CCDC88C: variants seen among roughly 807,000 people sequenced by gnomAD.
CCDC88C encodes protein Daple.
CCDC88C carries 131 observed loss-of-function variants against 198.8 expected under a neutral mutation model. The observed-to-expected ratio is 0.66, with a 90% confidence interval of 0.57 to 0.76. The LOEUF is 0.76. Among genes scored for constraint, CCDC88C ranks in the 30% least tolerant of loss-of-function variants. The probability of loss-of-function intolerance (pLI) is 0.00; values close to 1 mark genes in which losing one functional copy is unlikely to be tolerated. For missense variants in CCDC88C, 2,553 were observed against 2,631.6 expected (o/e 0.97, Z 0.65); for synonymous variants, 1,166 against 1,114.7 (o/e 1.05, Z -0.92).
At chr14:91,293,567 G>A (rs113923067) in intron 23 of CCDC88C, among the ~76,000 whole-genome samples, 6,798 of 15,566 alleles carry the variant, frequency 0.44, 1,602 homozygotes, top group African/African-American at 0.47. Context: ...CGCCTGCCAC[G>A]GCCCACCTTC....
At chr14:91,408,609 C>G in intron 3 of CCDC88C, 50 bp downstream of exon 3, 1 of 1,169,484 alleles carries the variant, frequency 8.6e-7, no homozygotes, top group Admixed American at 1.8e-5. Context: ...GTGACAGTGA[C>G]GATACTGATG....
At chr14:91,357,958 G>A (rs1373023391) in intron 4 of CCDC88C, among the ~76,000 whole-genome samples, 4 of 152,236 alleles carry the variant, frequency 2.6e-5, no homozygotes, top group Admixed American at 2.0e-4. Context: ...GGGCCACCAG[G>A]AGGACCAGGG....
At chr14:91,363,031 C>T (rs571097282) in intron 3 of CCDC88C, among the ~76,000 whole-genome samples, 5 of 152,262 alleles carry the variant, frequency 3.3e-5, no homozygotes, top group African/African-American at 7.2e-5. Flanking sequence ...AATCCTATGG[C>T]CAAAGCTACT....
At chr14:91,301,152 G>A (rs183421675) in intron 20 of CCDC88C, among the ~76,000 whole-genome samples, 43 of 152,350 alleles carry the variant, frequency 2.8e-4, no homozygotes, top group African/African-American at 1.0e-3. Flanking sequence ...ATGACACGTA[G>A]TGAATGCTTG....
chr14:91,334,112 G>A (rs547253784), intron 10 of CCDC88C, among the ~76,000 whole-genome samples: 22 of 152,304 alleles, frequency 1.4e-4, no homozygotes, highest in Admixed American at 1.1e-3. Context: ...TTTGCTGTAT[G>A]TGCTTTATCA....
Position 91,273,551 on chromosome 14 carries a change from C to T in CCDC88C, c.5161G>A (p.Gly1721Arg), listed in dbSNP as rs183319966. 193 of 1,508,838 alleles carry T rather than the reference C, an allele frequency of 1.3e-4. No individual in the cohort carries two copies. The African/African-American group carries it at 1.9e-3, about 15-fold the overall frequency. 93.5% of individuals were successfully genotyped at this position (1,508,838 alleles called of 1,614,324 possible). ...ACAAAGTTGGTGGGCATCTTGGCCC[C>T]TTCTTTCTTGGCAGGTGGTCCTGGT... ...GQPGPPAKKE[G>R]AKMPTNFVAP... The change falls in exon 30 of 30, where the codon GGG becomes AGG. Residue 1721 changes from glycine to arginine, a missense_variant. Physicochemically the swap from Gly to Arg is moderately radical, Grantham distance 125. This residue lies in a region of CCDC88C where 1,293 missense variants were observed against 1,219.6 expected (regional missense o/e 1.06). Transcript: ENST00000389857. The surrounding 1 kb of genome is among the most constrained non-coding windows in gnomAD (Gnocchi z 5.6).
chr14:91,306,261 A>G (rs918146003), intron 18 of CCDC88C, among the ~76,000 whole-genome samples: 2 of 152,142 alleles, frequency 1.3e-5, no homozygotes, highest in Non-Finnish European at 2.9e-5. Flanking sequence ...AGCTGGTTCC[A>G]TCTCCCATTG....
At chr14:91,303,554 T>A in intron 20 of CCDC88C, 147 bp downstream of exon 20, 3 of 351,746 alleles carry the variant, frequency 8.5e-6, no homozygotes, top group Non-Finnish European at 1.4e-5. Context: ...GTCCCACCCA[T>A]CTCCTCCAGG....
intron 3 of CCDC88C, among the ~76,000 whole-genome samples, chr14:91,387,715 T>C (rs980185295): frequency 6.6e-6 from 1 of 152,190 alleles, no homozygotes. Flanking sequence ...ACAGGAAGAT[T>C]CCTGGTTGAT....
At chr14:91,366,443 G>A (rs574223353) in intron 3 of CCDC88C, among the ~76,000 whole-genome samples, 5 of 152,142 alleles carry the variant, frequency 3.3e-5, no homozygotes, top group Admixed American at 2.0e-4. Context: ...CCGAGATTGC[G>A]CCACTGCCCT....
chr14:91,289,491 C>T, intron 24 of CCDC88C, 148 bp from the exon 25 acceptor site: 2 of 760,316 alleles, frequency 2.6e-6, no homozygotes, highest in South Asian at 2.8e-5. Context: ...CGCTCATGAC[C>T]ATGGTAATCA....
chr14:91,392,993 G>C (rs979034346), intron 3 of CCDC88C, among the ~76,000 whole-genome samples: 4 of 152,230 alleles, frequency 2.6e-5, no homozygotes, highest in Non-Finnish European at 5.9e-5. Flanking sequence ...TGGGGAAGGA[G>C]AAACTGCAAG....
chr14:91,330,494 A>G (rs776110247), intron 10 of CCDC88C, among the ~76,000 whole-genome samples: 1 of 152,240 alleles, frequency 6.6e-6, no homozygotes, highest in African/African-American at 2.4e-5. Flanking sequence ...CTCCGCAGGC[A>G]GACTCTGGAG....
chr14:91,317,718 G>T (rs1483769379), intron 13 of CCDC88C, among the ~76,000 whole-genome samples: 1 of 152,198 alleles, frequency 6.6e-6, no homozygotes, highest in Admixed American at 6.5e-5. Context: ...CCCTTCCGGC[G>T]CCCCCACGAC....
chr14:91,359,624 G>GT lies in CCDC88C; in HGVS notation c.340+17_340+18insA. The GT allele has an allele frequency of 6.3e-7, 1 of 1,596,838 alleles. No individual in the cohort carries two copies. Among genetic ancestry groups the GT allele is most frequent in the Admixed American group, 1.7e-5 (1 of 57,762 alleles). The stretch of plus-strand genomic sequence containing the variant: ...CTGGCTGGGCACCACAGGGGAGAAG[G>GT]GAGCGGCTTTCACTCACCAGACAGT... On this transcript the variant is annotated intron_variant, in intron 4 of 29. Coordinates refer to ENST00000389857, the MANE Select transcript of CCDC88C (RefSeq NM_001080414.4).
In CCDC88C at chr14:91,315,632, A is replaced by C; in HGVS notation, c.1665+18T>G. On this transcript the variant is annotated intron_variant, in intron 14 of 29. Coordinates refer to ENST00000389857, the MANE Select transcript of CCDC88C (RefSeq NM_001080414.4). Reference sequence around the variant, plus strand: ...AGGCAGGGGTTCTAGGAGAGGCGTTAGTGGTGGAGGCACCTACCTGCCTGG... The same window carrying C: ...AGGCAGGGGTTCTAGGAGAGGCGTTCGTGGTGGAGGCACCTACCTGCCTGG... 1 of 1,613,628 alleles carries C rather than the reference A, an allele frequency of 6.2e-7. No homozygotes were observed. Among genetic ancestry groups the C allele is most frequent in the Non-Finnish European group, 8.5e-7 (1 of 1,179,804 alleles).
intron 12 of CCDC88C, among the ~76,000 whole-genome samples, chr14:91,322,379 C>A (rs1251842131): frequency 6.6e-6 from 1 of 152,166 alleles, no homozygotes; most frequent in African/African-American, 2.4e-5. Flanking sequence ...ACCCAACAGG[C>A]CAGAACGCCC....
chr14:91,339,205 CAT>C lies in CCDC88C; in HGVS notation c.809+71_809+72del, dbSNP rs1893195663. On this transcript the variant is annotated intron_variant, in intron 8 of 29. Transcript: ENST00000389857. This position sits in a 1 kb window ranked among gnomAD's most constrained non-coding sequence, Gnocchi z 5.8. ...GAGCTGTGCCATTGGCAGCACCACACATGTGAGTCGACACCACACCAGAAACA... is the reference window on the plus strand; with the variant it reads ...GAGCTGTGCCATTGGCAGCACCACACGTGAGTCGACACCACACCAGAAACA... The C allele has an allele frequency of 4.5e-6, 7 of 1,547,156 alleles. No homozygotes were observed. In the Admixed American group the frequency reaches 9.1e-5, roughly 20 times the overall value.
At chr14:91,399,185 C>G (rs1453848211) in intron 3 of CCDC88C, among the ~76,000 whole-genome samples, 1 of 152,206 alleles carries the variant, frequency 6.6e-6, no homozygotes, top group Non-Finnish European at 1.5e-5. Flanking sequence ...CTTGAGCCAA[C>G]CTCCCCATGG....
Sources: allele counts gnomAD v4.1 joint callset (sites outside exome capture counted in the v4.1 genomes callset), GRCh38; gene constraint gnomAD v4.1.1; regional missense constraint gnomAD v4.1.1; non-coding constraint Gnocchi (gnomAD v3.1); transcripts MANE v1.5; gene names NCBI Gene and HGNC (gene_info 2026-07-23, HGNC 2026-07-21).